Variants in IMMP2L observed in about 807,000 individuals in gnomAD.
IMMP2L encodes inner mitochondrial membrane peptidase subunit 2.
Under a neutral mutation model 19.3 loss-of-function variants are expected in IMMP2L, and 18 were observed. The ratio of observed to expected loss-of-function variants is 0.93; its 90% CI spans 0.64 to 1.38. The LOEUF (loss-of-function observed/expected upper bound fraction) is 1.38. Ranked by LOEUF, IMMP2L falls within the 40% of genes most tolerant of loss-of-function variation. The probability of loss-of-function intolerance (pLI) is 0.00; values close to 1 mark genes in which losing one functional copy is unlikely to be tolerated. For missense variants in IMMP2L, 233 were observed against 218.2 expected, an observed-to-expected ratio of 1.07 and a Z score of -0.43; for synonymous variants, 76 against 73.0, an observed-to-expected ratio of 1.04 and a Z score of -0.21.
intron 3 of IMMP2L, among the ~76,000 whole-genome samples, chr7:111,408,767 A>AT (rs890041274): frequency 6.6e-6 from 1 of 151,618 alleles, no homozygotes; most frequent in Non-Finnish European, 1.5e-5. Context: ...TGTAGTTAAT[A>AT]TTTTTTTTAA....
intron 3 of IMMP2L, among the ~76,000 whole-genome samples, chr7:111,068,336 G>T (rs908115150): frequency 2.6e-5 from 4 of 152,032 alleles, no homozygotes; most frequent in Non-Finnish European, 5.9e-5. Flanking sequence ...CTTTGACAGA[G>T]AAAAATATAT....
rs552137437 is a variant in IMMP2L, at chr7:111,456,399, A to G, written c.239+30839T>C. On this transcript the variant is annotated intron_variant, in intron 3 of 5. Coordinates refer to ENST00000405709, the MANE Select transcript of IMMP2L (RefSeq NM_032549.4). ...ATTCCTTTCCTCTCTTCAATCCTAGATTAGTTAACAGCTTGTAAAACTGCT... is the reference window on the plus strand; with the variant it reads ...ATTCCTTTCCTCTCTTCAATCCTAGGTTAGTTAACAGCTTGTAAAACTGCT... Among the ~76,000 whole-genome samples the G allele has an allele frequency of 2.5e-3, 380 of 151,722 alleles. 1 individual carries two copies. Among genetic ancestry groups the G allele is most frequent in the African/African-American group, 8.8e-3 (363 of 41,152 alleles).
intron 3 of IMMP2L, among the ~76,000 whole-genome samples, chr7:110,964,376 T>C (rs538955331): frequency 1.1e-4 from 17 of 152,184 alleles, no homozygotes; most frequent in Admixed American, 5.9e-4. Flanking sequence ...ATAAAAACAA[T>C]GAAGATGCGA....
intron 3 of IMMP2L, among the ~76,000 whole-genome samples, chr7:110,975,698 G>A (rs1409327654): frequency 6.6e-6 from 1 of 152,074 alleles, no homozygotes; most frequent in Non-Finnish European, 1.5e-5. Flanking sequence ...TCTTTGTTCT[G>A]AATGGTGGCT....
At position 111,440,958 on chromosome 7, in the gene IMMP2L, T is replaced by G. The variant is rs569080253; in HGVS notation, c.239+46280A>C. Reference sequence around the variant, plus strand: ...AAGTGGTTTCTTTCCTTAAGCCTCATGAACTCAGCTCTGCTAGCTTCAAAC... The same window carrying G: ...AAGTGGTTTCTTTCCTTAAGCCTCAGGAACTCAGCTCTGCTAGCTTCAAAC... On this transcript the variant is annotated intron_variant, in intron 3 of 5. Transcript: ENST00000405709. Among the ~76,000 whole-genome samples the G allele has an allele frequency of 2.0e-5, 3 of 152,022 alleles. No individual in the cohort carries two copies. The South Asian group carries it at 6.2e-4, about 32-fold the overall frequency.
At chr7:111,078,880 C>T (rs1310306734) in intron 3 of IMMP2L, among the ~76,000 whole-genome samples, 1 of 152,082 alleles carries the variant, frequency 6.6e-6, no homozygotes, top group African/African-American at 2.4e-5. Context: ...CAGGCATGCG[C>T]CACCACACAT....
intron 3 of IMMP2L, among the ~76,000 whole-genome samples, chr7:111,441,243 AC>A (rs749940063): frequency 4.6e-5 from 7 of 151,966 alleles, no homozygotes; most frequent in Admixed American, 1.3e-4. Context: ...CAAGAGGCCT[AC>A]CTTTCAGCCT....
intron 3 of IMMP2L, among the ~76,000 whole-genome samples, chr7:111,025,570 G>C (rs1826723365): frequency 1.3e-5 from 2 of 152,048 alleles, no homozygotes; most frequent in African/African-American, 4.8e-5. Context: ...TGAAGCCCCT[G>C]AAAATAAAAA....
chr7:111,560,028 A>C (rs1791843364), intron 1 of IMMP2L, among the ~76,000 whole-genome samples: 1 of 56,380 alleles, frequency 1.8e-5, no homozygotes, highest in Non-Finnish European at 5.6e-5. Context: ...TAAAACATGT[A>C]TTATGTTCCA....
intron 4 of IMMP2L, among the ~76,000 whole-genome samples, chr7:110,944,876 C>G (rs1397058189): frequency 1.3e-5 from 2 of 151,920 alleles, no homozygotes; most frequent in African/African-American, 4.8e-5. Flanking sequence ...ATGTCCTTAA[C>G]TGCACTGACA....
intron 5 of IMMP2L, among the ~76,000 whole-genome samples, chr7:110,824,522 C>A (rs74789023): frequency 2.0e-5 from 3 of 152,038 alleles, no homozygotes; most frequent in African/African-American, 7.2e-5. Flanking sequence ...CACACCACCA[C>A]GCCTGGCTTA....
chr7:111,358,980 G>A (rs1828995109), intron 3 of IMMP2L, among the ~76,000 whole-genome samples: 1 of 152,098 alleles, frequency 6.6e-6, no homozygotes, highest in African/African-American at 2.4e-5. Context: ...GTTCTTTCAT[G>A]CACGCTAAGT....
At chr7:111,032,607 A>G (rs1490402264) in intron 3 of IMMP2L, among the ~76,000 whole-genome samples, 1 of 152,144 alleles carries the variant, frequency 6.6e-6, no homozygotes, top group Non-Finnish European at 1.5e-5. Context: ...AGATCACTTG[A>G]AGTCAGGACT....
At chr7:110,706,760 C>T (rs1347364145) in intron 5 of IMMP2L, among the ~76,000 whole-genome samples, 2 of 152,012 alleles carry the variant, frequency 1.3e-5, no homozygotes, top group Non-Finnish European at 2.9e-5. Context: ...TTGTCAGGTG[C>T]ATAGGTTGTG....
chr7:111,001,636 C>T (rs1823706270), intron 3 of IMMP2L, among the ~76,000 whole-genome samples: 1 of 152,132 alleles, frequency 6.6e-6, no homozygotes, highest in Admixed American at 6.6e-5. Context: ...TAGAATCTCA[C>T]TATTAATCTG....
chr7:111,201,302 A>G (rs1009953020), intron 3 of IMMP2L, among the ~76,000 whole-genome samples: 6 of 152,094 alleles, frequency 3.9e-5, no homozygotes, highest in African/African-American at 1.4e-4. Flanking sequence ...AACTGCGTCA[A>G]TTTCAGGAAT....
At chr7:111,227,012 G>A (rs1813180994) in intron 3 of IMMP2L, among the ~76,000 whole-genome samples, 2 of 152,010 alleles carry the variant, frequency 1.3e-5, no homozygotes, top group Admixed American at 1.3e-4. Context: ...TGATGAAATA[G>A]GAGGAAACAA....
At chr7:111,512,812 A>G (rs1027235220) in intron 2 of IMMP2L, among the ~76,000 whole-genome samples, 2 of 152,140 alleles carry the variant, frequency 1.3e-5, no homozygotes, top group Admixed American at 6.5e-5. Context: ...TTTATGAAAA[A>G]TCAATTTTCA....
chr7:110,802,723 C>T (rs1311085299), intron 5 of IMMP2L, among the ~76,000 whole-genome samples: 2 of 152,024 alleles, frequency 1.3e-5, no homozygotes, highest in African/African-American at 4.8e-5. Context: ...TAAAGCACAA[C>T]TATAAGAACC....
Sources: allele counts gnomAD v4.1 joint callset (sites outside exome capture counted in the v4.1 genomes callset), GRCh38; gene constraint gnomAD v4.1.1; transcripts MANE v1.5; gene names NCBI Gene and HGNC (gene_info 2026-07-23, HGNC 2026-07-21).